SERPINB2: variants seen among roughly 807,000 people sequenced by gnomAD.
The protein encoded by SERPINB2 is plasminogen activator inhibitor 2.
SERPINB2 carries 28 observed loss-of-function variants against 39.4 expected under a neutral mutation model. The observed-to-expected ratio is 0.71, with a 90% CI of 0.53 to 0.97. SERPINB2 has a LOEUF of 0.97. Among genes scored for constraint, SERPINB2 ranks in the 50% least tolerant of loss-of-function variants. SERPINB2 has a pLI of 0.00. For synonymous variants in SERPINB2, 209 were observed against 175.1 expected, an observed-to-expected ratio of 1.19 and a Z score of -1.53; for missense variants, 557 against 505.3, an observed-to-expected ratio of 1.10 and a Z score of -0.98.
intron 5 of SERPINB2, among the ~76,000 whole-genome samples, chr18:63,898,628 G>T (rs1395535983): frequency 1.3e-5 from 2 of 152,126 alleles, no homozygotes; most frequent in Non-Finnish European, 2.9e-5. Context: ...TATAGAGGAG[G>T]GATTCAGTCA....
Position 63,903,364 on chromosome 18 carries a change from G to T in SERPINB2, c.*59G>T. 2 of 1,438,518 alleles carry T rather than the reference G, an allele frequency of 1.4e-6. No homozygotes were observed. The highest frequency in any genetic ancestry group is 1.8e-6 in the Non-Finnish European group (2 of 1,094,134). The allele number at this position is 1,438,518 out of a possible 1,614,324, so 89.1% of individuals were successfully genotyped here. A position where few individuals can be genotyped will look rare whatever the true frequency, so the allele number is the denominator to read the frequency against. On this transcript the variant is annotated 3_prime_UTR_variant, in exon 8 of 8. Transcript: ENST00000299502. ...TAGATGAGCTGTGTGCCTCAGAATT[G>T]CTATTTCAAATTGCCAAAAATTTAG...
intron 5 of SERPINB2, among the ~76,000 whole-genome samples, chr18:63,899,940 T>C (rs1412949604): frequency 6.6e-6 from 1 of 152,194 alleles, no homozygotes; most frequent in Non-Finnish European, 1.5e-5. Flanking sequence ...TGTGGATTTG[T>C]GAAATACTGT....
intron 4 of SERPINB2, 106 bp from the exon 5 acceptor site, chr18:63,897,621 C>A: frequency 1.2e-6 from 1 of 868,264 alleles, no homozygotes; most frequent in Non-Finnish European, 2.0e-6. Context: ...CACTCCCACC[C>A]TACCCCAGGT....
intron 1 of SERPINB2, chr18:63,890,526 A>T (rs2049919120): frequency 6.6e-6 from 1 of 152,250 alleles, no homozygotes; most frequent in Admixed American, 6.5e-5. Flanking sequence ...ACCAAAAAAC[A>T]CACACACCTT....
rs201048026 is a variant in SERPINB2, at chr18:63,902,576, A to G, written c.843+8A>G. The G allele has an allele frequency of 6.3e-7, 1 of 1,587,238 alleles. No homozygotes were observed. The highest frequency in any genetic ancestry group is 8.5e-7 in the Non-Finnish European group (1 of 1,169,772). ...TCCACTGGCTTGGAGCTGGTAAGACATTCAGATATTTAAGTTTCTGGGGCT... is the reference window on the plus strand; with the variant it reads ...TCCACTGGCTTGGAGCTGGTAAGACGTTCAGATATTTAAGTTTCTGGGGCT... On this transcript the variant is annotated splice_region_variant and intron_variant, in intron 7 of 7. Transcript: ENST00000299502.
chr18:63,902,523 G>C lies in SERPINB2; in HGVS notation c.798G>C (p.Leu266Phe), dbSNP rs1156793661. The C allele has an allele frequency of 1.2e-6, 2 of 1,613,556 alleles. No individual in the cohort carries two copies. The highest frequency in any genetic ancestry group is 1.7e-6 in the Non-Finnish European group (2 of 1,179,656). The change falls in exon 7 of 8, where the codon TTG (leucine) becomes TTC (phenylalanine). Residue 266 changes from leucine to phenylalanine, a missense_variant. By Grantham distance (22) the Leu-to-Phe change is conservative. Coordinates refer to ENST00000299502, the MANE Select transcript of SERPINB2 (RefSeq NM_002575.3). ...LPYAGDVSMF[L>F]LLPDEIADVS... The stretch of plus-strand genomic sequence containing the variant: ...ATGCTGGAGATGTTAGCATGTTCTT[G>C]TTGCTTCCAGATGAAATTGCCGATG...
chr18:63,899,764 T>A (rs1207818426), intron 5 of SERPINB2, among the ~76,000 whole-genome samples: 5 of 152,226 alleles, frequency 3.3e-5, no homozygotes, highest in African/African-American at 1.2e-4. Context: ...GATTTTCATT[T>A]AACTCTTATG....
chr18:63,892,283 A>G lies in SERPINB2; in HGVS notation c.168+671A>G, dbSNP rs115875089. 5.7e-3 allele frequency among the ~76,000 whole-genome samples: 874 copies of G among 152,260 alleles called. 10 individuals are homozygous for G. The highest frequency in any genetic ancestry group is 0.02 in the African/African-American group (814 of 41,536). ...AGATGGGATGCACAACATCATTGTG[A>G]GGGATTTCTGCAAGGCCACTGCCTG... On this transcript the variant is annotated intron_variant, in intron 2 of 7. Transcript: ENST00000299502.
At chr18:63,893,602 T>G (rs2049940816) in intron 2 of SERPINB2, among the ~76,000 whole-genome samples, 1 of 152,168 alleles carries the variant, frequency 6.6e-6, no homozygotes, top group African/African-American at 2.4e-5. Flanking sequence ...TGTGTTTGAG[T>G]CATGGCTTTG....
Position 63,903,312 on chromosome 18 carries a change from G to C in SERPINB2, c.*7G>C. The C allele has an allele frequency of 6.8e-7, 1 of 1,480,474 alleles. No individual in the cohort carries two copies. The highest frequency in any genetic ancestry group is 2.5e-5 in the Admixed American group (1 of 39,778). The allele number at this position is 1,480,474 out of a possible 1,614,324, so 91.7% of individuals were successfully genotyped here. A position where few individuals can be genotyped will look rare whatever the true frequency, so the allele number is the denominator to read the frequency against. On this transcript the variant is annotated 3_prime_UTR_variant, in exon 8 of 8. Transcript: ENST00000299502. ...CAGATTTTCCTCACCCTAAAACTAA[G>C]CGTGCTGCTTCTGCAAAAGATTTTT...
rs115036035 is a variant in SERPINB2 at position 63,903,527 on chromosome 18, C to T, written c.*222C>T. Reference sequence around the variant, plus strand: ...TTGGTCTTCTAAAATGGGATCATGCCCATTTAGATTTTCCTTACTATCAGT... The same window carrying T: ...TTGGTCTTCTAAAATGGGATCATGCTCATTTAGATTTTCCTTACTATCAGT... On this transcript the variant is annotated 3_prime_UTR_variant, in exon 8 of 8. Coordinates refer to ENST00000299502, the MANE Select transcript of SERPINB2 (RefSeq NM_002575.3). 3.5e-4 allele frequency: 119 copies of T among 342,064 alleles called. No homozygotes were observed. Among genetic ancestry groups the T allele is most frequent in the African/African-American group, 2.1e-3 (101 of 47,332 alleles). The allele number at this position is 342,064 out of a possible 1,614,324, so 21.2% of individuals were successfully genotyped here. A position where few individuals can be genotyped will look rare whatever the true frequency, so the allele number is the denominator to read the frequency against.
chr18:63,891,408 GT>G (rs1428299845), intron 1 of SERPINB2, 27 bp from the exon 2 acceptor site: 4 of 1,611,906 alleles, frequency 2.5e-6, no homozygotes, highest in Non-Finnish European at 3.4e-6. Context: ...TTTCAGAGCT[GT>G]TTTTTTCTTC....
At position 63,903,035 on chromosome 18, in the gene SERPINB2, C is replaced by T. The variant is rs1350803198; in HGVS notation, c.978C>T (p.Ser326=). ...ATGAACTCAGATCCATTCTGAGAAG[C>T]ATGGGCATGGAGGACGCCTTCAACA... ...EHYELRSILR[S]MGMEDAFNKG... Residue 326 remains serine, a synonymous_variant, in exon 8 of 8, where the codon AGC becomes AGT. Transcript: ENST00000299502. 1 of 1,613,822 alleles carries T rather than the reference C, an allele frequency of 6.2e-7. No individual in the cohort carries two copies. Among genetic ancestry groups the T allele is most frequent in the Non-Finnish European group, 8.5e-7 (1 of 1,179,810 alleles).
chr18:63,900,996 A>C (rs1248968372), intron 5 of SERPINB2, among the ~76,000 whole-genome samples: 1 of 152,134 alleles, frequency 6.6e-6, no homozygotes, highest in Non-Finnish European at 1.5e-5. Flanking sequence ...ATATATTTTG[A>C]TGCTTGGAAT....
intron 2 of SERPINB2, among the ~76,000 whole-genome samples, chr18:63,894,582 G>A (rs946770485): frequency 2.0e-5 from 3 of 152,122 alleles, no homozygotes; most frequent in Non-Finnish European, 2.9e-5. Context: ...AGACCAAGGC[G>A]GGCAGGCAGC....
intron 7 of SERPINB2, 22 bp downstream of exon 7, chr18:63,902,590 GTTTCTGGGGCTAT>G: frequency 1.1e-6 from 1 of 920,706 alleles, no homozygotes; most frequent in Non-Finnish European, 1.4e-6. Context: ...AGATATTTAA[GTTTCTGGGGCTAT>G]ACCTACCTTT....
At chr18:63,894,608 G>T (rs1420092466) in intron 2 of SERPINB2, among the ~76,000 whole-genome samples, 1 of 152,146 alleles carries the variant, frequency 6.6e-6, no homozygotes, top group East Asian at 1.9e-4. Context: ...TGTGGGAAGG[G>T]GATCTGAGGA....
chr18:63,892,282 G>A (rs1452553688), intron 2 of SERPINB2, among the ~76,000 whole-genome samples: 1 of 152,210 alleles, frequency 6.6e-6, no homozygotes, highest in South Asian at 2.1e-4. Context: ...ACATCATTGT[G>A]AGGGATTTCT....
In SERPINB2 at chr18:63,891,528, C is replaced by T. The variant is rs1361705437; in HGVS notation, c.84C>T (p.Leu28=). The change falls in exon 2 of 8, where the codon CTC becomes CTT. Residue 28 remains leucine (L), a synonymous_variant. Transcript: ENST00000299502. ...HLAKASPTQN[L]FLSPWSISST... ...CAAAAGCAAGCCCCACCCAGAACCT[C>T]TTCCTCTCCCCATGGAGCATCTCGT... The T allele has an allele frequency of 1.2e-6, 2 of 1,614,224 alleles. No homozygotes were observed. Among genetic ancestry groups the T allele is most frequent in the South Asian group, 2.2e-5 (2 of 91,082 alleles).
Sources: allele counts gnomAD v4.1 joint callset (sites outside exome capture counted in the v4.1 genomes callset), GRCh38; gene constraint gnomAD v4.1.1; transcripts MANE v1.5; gene names NCBI Gene and HGNC (gene_info 2026-07-23, HGNC 2026-07-21).